The following AKAP13 variants were observed in gnomAD, a reference collection of about 807,000 sequenced individuals.
The protein encoded by AKAP13 is A-kinase anchoring protein 13.
A neutral mutation model predicts 264.5 loss-of-function variants in AKAP13; 80 were observed. That is an observed-to-expected ratio of 0.30 (90% CI 0.25 to 0.36). The LOEUF (loss-of-function observed/expected upper bound fraction) is 0.36. AKAP13 is among the 10% of genes least tolerant of loss of function. The probability of loss-of-function intolerance (pLI) is 1.00; values close to 1 mark genes in which losing one functional copy is unlikely to be tolerated. For missense variants in AKAP13, 3,712 were observed against 3,435.2 expected, an observed-to-expected ratio of 1.08 and a Z score of -2.01; for synonymous variants, 1,380 against 1,250.2, an observed-to-expected ratio of 1.10 and a Z score of -2.19.
At chr15:85,693,016 G>A in intron 16 of AKAP13, 1 of 405,544 alleles carries the variant, frequency 2.5e-6, no homozygotes, top group Non-Finnish European at 4.3e-6. Context: ...TATTGTGTCT[G>A]TTGGTAGAAG....
intron 7 of AKAP13, among the ~76,000 whole-genome samples, chr15:85,584,824 A>G (rs2079272176): frequency 6.6e-6 from 1 of 152,214 alleles, no homozygotes; most frequent in African/African-American, 2.4e-5. Flanking sequence ...CACTAGGTTA[A>G]TAACCACAGA....
At chr15:85,440,498 G>T (rs376391562) in intron 1 of AKAP13, among the ~76,000 whole-genome samples, 3 of 152,066 alleles carry the variant, frequency 2.0e-5, no homozygotes, top group Non-Finnish European at 4.4e-5. Flanking sequence ...TAAACAGGCC[G>T]ATGAAAAAGA....
At chr15:85,693,213 C>G (rs1390647056) in intron 16 of AKAP13, 64 bp from the exon 17 acceptor site, 2 of 1,453,408 alleles carry the variant, frequency 1.4e-6, no homozygotes, top group East Asian at 2.6e-5. Context: ...CATCTGGGTG[C>G]CCAGGTAAGG....
Position 85,580,896 on chromosome 15 carries a change from C to T in AKAP13, c.2828C>T (p.Ser943Phe). 6.2e-7 allele frequency: 1 copy of T among 1,614,192 alleles called. No individual in the cohort carries two copies. The highest frequency in any genetic ancestry group is 8.5e-7 in the Non-Finnish European group (1 of 1,180,030). Residue 943 changes from serine (S) to phenylalanine (F), a missense_variant, in exon 7 of 37, where the codon TCT becomes TTT. Coordinates refer to ENST00000394518, the MANE Select transcript of AKAP13 (RefSeq NM_007200.5). ...TCSSIKENAL[S>F]SGTLQEEQRT... ...TCCTCTATTAAGGAAAATGCTCTCT[C>T]TTCAGGAACTTTGCAGGAAGAGCAG...
intron 1 of AKAP13, among the ~76,000 whole-genome samples, chr15:85,420,091 G>A (rs572338832): frequency 0.018 from 2,808 of 151,848 alleles, 37 homozygotes; most frequent in Middle Eastern, 0.031. Context: ...ACAGGCGCCC[G>A]CCACTACGCC....
intron 8 of AKAP13, among the ~76,000 whole-genome samples, chr15:85,629,764 C>CTTTGTTT (rs2081607485): frequency 2.0e-5 from 1 of 50,504 alleles, no homozygotes; most frequent in Non-Finnish European, 3.7e-5. Flanking sequence ...CCTTTACAGC[C>CTTTGTTT]TTTTTTTTTT....
chr15:85,471,655 G>A (rs998426681), intron 1 of AKAP13, among the ~76,000 whole-genome samples: 4 of 152,110 alleles, frequency 2.6e-5, no homozygotes, highest in African/African-American at 9.7e-5. Flanking sequence ...TCACTCCCAG[G>A]TTTCTTGTCC....
rs372591995 is a variant in AKAP13 at position 85,741,250 on chromosome 15, T to C, written c.7813T>C (p.Trp2605Arg). 2 of 1,609,126 alleles carry C rather than the reference T, an allele frequency of 1.2e-6. No homozygotes were observed. The highest frequency in any genetic ancestry group is 1.7e-6 in the Non-Finnish European group (2 of 1,177,966). Residue 2605 changes from tryptophan to arginine, a missense_variant, in exon 35 of 37, where the codon TGG (tryptophan) becomes CGG (arginine). Physicochemically the swap from Trp to Arg is moderately radical, Grantham distance 101. Coordinates refer to ENST00000394518, the MANE Select transcript of AKAP13 (RefSeq NM_007200.5). ...LEEKRRRERE[W>R]EARERELRER... The stretch of plus-strand genomic sequence containing the variant: ...GGAGAAGCGCAGGCGCGAGCGTGAG[T>C]GGGAAGCTCGTGAGAGGGAGCTGCG...
intron 14 of AKAP13, among the ~76,000 whole-genome samples, chr15:85,677,574 A>C (rs2084300465): frequency 6.6e-6 from 1 of 151,270 alleles, no homozygotes; most frequent in African/African-American, 2.4e-5. Flanking sequence ...TTCTTTAAAA[A>C]TACCTTTCCT....
intron 35 of AKAP13, 116 bp downstream of exon 35, chr15:85,741,611 C>CA: frequency 7.2e-7 from 1 of 1,392,688 alleles, no homozygotes; most frequent in East Asian, 2.8e-5. Flanking sequence ...GCCAGATGCT[C>CA]ATGCCTGTGA....
intron 12 of AKAP13, among the ~76,000 whole-genome samples, chr15:85,660,595 A>G (rs1173928495): frequency 2.0e-5 from 3 of 152,138 alleles, no homozygotes; most frequent in Admixed American, 2.0e-4. Flanking sequence ...ATTTAGGTAA[A>G]AATATGCCTA....
In AKAP13 at chr15:85,723,289, G is replaced by A. The variant is rs905190636; in HGVS notation, c.6714G>A (p.Val2238=). 6.2e-7 allele frequency: 1 copy of A among 1,614,148 alleles called. No homozygotes were observed. Among genetic ancestry groups the A allele is most frequent in the Non-Finnish European group, 8.5e-7 (1 of 1,179,992 alleles). Residue 2238 remains valine, a synonymous_variant, in exon 26 of 37, where the codon GTG becomes GTA. Transcript: ENST00000394518. ...KRKKLVRDGS[V]FLKNAAGRLK... ...AGAAGCTTGTACGTGATGGGAGTGT[G>A]TTTCTGAAGAATGCAGCAGGAAGGT...
chr15:85,439,061 C>T (rs2073482109), intron 1 of AKAP13, among the ~76,000 whole-genome samples: 1 of 150,692 alleles, frequency 6.6e-6, no homozygotes. Flanking sequence ...ATTTTCGCAA[C>T]CTACTCATCT....
At chr15:85,443,578 G>A (rs74743550) in intron 1 of AKAP13, among the ~76,000 whole-genome samples, 2,228 of 152,262 alleles carry the variant, frequency 0.015, 59 homozygotes, top group African/African-American at 0.051. Flanking sequence ...AGTATTTGCA[G>A]TTGTAACACA....
chr15:85,524,142 C>G (rs1278338865), intron 3 of AKAP13, among the ~76,000 whole-genome samples: 1 of 151,824 alleles, frequency 6.6e-6, no homozygotes, highest in Non-Finnish European at 1.5e-5. Flanking sequence ...GTCATTTTGG[C>G]TAAGAGAAGA....
rs561984543 is a variant in AKAP13 at position 85,714,120 on chromosome 15, T to C, written c.5600-1668T>C. On this transcript the variant is annotated intron_variant, in intron 19 of 36. Coordinates refer to ENST00000394518, the MANE Select transcript of AKAP13 (RefSeq NM_007200.5). The stretch of plus-strand genomic sequence containing the variant: ...CCTTACCAATAACATAAACAGTCAA[T>C]TAATGCATTTTGTTTGTTATGTGTA... Among the ~76,000 whole-genome samples the C allele has an allele frequency of 1.7e-4, 26 of 152,334 alleles. No homozygotes were observed. The South Asian group carries it at 3.3e-3, about 19-fold the overall frequency.
chr15:85,538,940 C>T lies in AKAP13; in HGVS notation c.479-4832C>T, dbSNP rs752538390. On this transcript the variant is annotated intron_variant, in intron 4 of 36. Coordinates refer to ENST00000394518, the MANE Select transcript of AKAP13 (RefSeq NM_007200.5). ...CTGCCTCCCAGGTTCACACCATTCT[C>T]CTGCCTCAGCCTCTTGAGTAGCTGG... Among the ~76,000 whole-genome samples, 7 of 151,562 alleles carry T rather than the reference C, an allele frequency of 4.6e-5. No homozygotes were observed. In the East Asian group the frequency reaches 9.7e-4, roughly 21 times the overall value.
chr15:85,588,081 T>C (rs1035059590), intron 8 of AKAP13, among the ~76,000 whole-genome samples: 2 of 152,222 alleles, frequency 1.3e-5, no homozygotes, highest in African/African-American at 4.8e-5. Context: ...CCTTTGAAAG[T>C]CCATGTTCCT....
Position 85,655,772 on chromosome 15 carries a change from A to C in AKAP13, c.4730A>C (p.Glu1577Ala). ...GGGAAAAATGCAGCCAGCGATGCAG[A>C]AATGAACCACCGGAGGTGAGATGGG... The part of the protein sequence containing the change: ...GPGKNAASDA[E>A]MNHRSSMRVL... Residue 1577 changes from glutamate to alanine, a missense_variant, in exon 11 of 37, where the codon GAA becomes GCA. Glu to Ala is a moderately radical substitution (Grantham distance 107). Around this residue, in one of 3 missense-constraint regions of AKAP13, gnomAD observed 2,759 missense variants for 2,411.7 expected, o/e 1.14. Transcript: ENST00000394518. 3 of 1,608,780 alleles carry C rather than the reference A, an allele frequency of 1.9e-6. No homozygotes were observed. The highest frequency in any genetic ancestry group is 2.6e-6 in the Non-Finnish European group (3 of 1,175,708).
Sources: gnomAD v4.1 joint callset for allele counts (sites outside exome capture counted in the v4.1 genomes callset) on GRCh38, gnomAD v4.1.1 for gene constraint, gnomAD v4.1.1 regional missense constraint, MANE v1.5 for transcripts, NCBI Gene and HGNC (gene_info 2026-07-23, HGNC 2026-07-21) for gene names.